Variants in AKAP13 observed in about 807,000 individuals in gnomAD.
AKAP13 encodes A-kinase anchor protein 13.
A neutral mutation model predicts 264.5 loss-of-function variants in AKAP13; 80 were observed. The observed-to-expected ratio is 0.30, with a 90% CI of 0.25 to 0.36. AKAP13 has a LOEUF of 0.36. Among genes scored for constraint, AKAP13 ranks in the 10% least tolerant of loss-of-function variants. The pLI is 1.00. For missense variants in AKAP13, 3,712 were observed against 3,435.2 expected, an observed-to-expected ratio of 1.08 and a Z score of -2.01; for synonymous variants, 1,380 against 1,250.2, an observed-to-expected ratio of 1.10 and a Z score of -2.19.
intron 10 of AKAP13, among the ~76,000 whole-genome samples, chr15:85,648,519 A>AT (rs538245743): frequency 1.3e-4 from 19 of 150,720 alleles, no homozygotes; most frequent in Middle Eastern, 3.4e-3. Flanking sequence ...GATTTGGAAG[A>AT]TTTTTTTTTT....
intron 12 of AKAP13, 110 bp downstream of exon 12, chr15:85,658,700 C>T (rs2083208404): frequency 5.7e-6 from 5 of 874,710 alleles, no homozygotes; most frequent in Non-Finnish European, 8.5e-6. Flanking sequence ...TAAGTAATGT[C>T]CCATCTAATT....
chr15:85,489,277 A>G (rs991906363), intron 2 of AKAP13, among the ~76,000 whole-genome samples: 6 of 152,230 alleles, frequency 3.9e-5, no homozygotes, highest in African/African-American at 1.4e-4. Flanking sequence ...AACATAGTTA[A>G]TACACTAAGT....
intron 30 of AKAP13, among the ~76,000 whole-genome samples, chr15:85,734,548 C>G (rs1300103866): frequency 1.3e-5 from 2 of 152,144 alleles, no homozygotes; most frequent in African/African-American, 4.8e-5. Flanking sequence ...GAAAAGAACC[C>G]TAGTGGGCCA....
At chr15:85,539,202 G>GT (rs1054488275) in intron 4 of AKAP13, among the ~76,000 whole-genome samples, 3 of 151,512 alleles carry the variant, frequency 2.0e-5, no homozygotes, top group East Asian at 1.9e-4. Flanking sequence ...ACTGCTAGTG[G>GT]TTTTTTTTTC....
intron 17 of AKAP13, among the ~76,000 whole-genome samples, chr15:85,695,658 T>C (rs941549708): frequency 6.6e-6 from 1 of 152,228 alleles, no homozygotes; most frequent in African/African-American, 2.4e-5. Context: ...TCCTATTTTT[T>C]CAAAAGTAAC....
chr15:85,417,649 C>T (rs1057018073), intron 1 of AKAP13, among the ~76,000 whole-genome samples: 2 of 152,136 alleles, frequency 1.3e-5, no homozygotes, highest in African/African-American at 4.8e-5. Context: ...TTTCTTTTGC[C>T]GATTAAACAT....
chr15:85,621,317 G>A (rs1219023730), intron 8 of AKAP13: 1 of 152,218 alleles, frequency 6.6e-6, no homozygotes, highest in African/African-American at 2.4e-5. Context: ...TCAGGTGGTT[G>A]ACTTGCTGGG....
In AKAP13 at chr15:85,580,697, C is replaced by T; in HGVS notation, c.2629C>T (p.Pro877Ser). The change falls in exon 7 of 37, where the codon CCT becomes TCT. Residue 877 changes from proline to serine, a missense_variant. By Grantham distance (74) the Pro-to-Ser change is moderately conservative. Transcript: ENST00000394518. Reference sequence around the variant, plus strand: ...TGGTGGAGAGCATGAGGGTCCCGCCCCTCCAGCAATCCCAGAAGCTCTGAA... The same window carrying T: ...TGGTGGAGAGCATGAGGGTCCCGCCTCTCCAGCAATCCCAGAAGCTCTGAA... ...GLGGEHEGPA[P>S]PAIPEALNIK... is the part of the protein sequence containing the mutation. The T allele has an allele frequency of 6.2e-7, 1 of 1,614,172 alleles. No individual in the cohort carries two copies. Among genetic ancestry groups the T allele is most frequent in the Non-Finnish European group, 8.5e-7 (1 of 1,180,024 alleles).
chr15:85,510,616 C>G (rs2076385483), intron 2 of AKAP13, among the ~76,000 whole-genome samples: 1 of 152,134 alleles, frequency 6.6e-6, no homozygotes, highest in Non-Finnish European at 1.5e-5. Context: ...TTTGAAAATC[C>G]TTTAATTAAT....
chr15:85,473,057 T>A (rs1271164760), intron 1 of AKAP13, among the ~76,000 whole-genome samples: 1 of 152,226 alleles, frequency 6.6e-6, no homozygotes, highest in Admixed American at 6.5e-5. Context: ...ATAAAATCAC[T>A]GTTGTAACAG....
At chr15:85,400,843 CAT>C (rs36153433) in intron 1 of AKAP13, among the ~76,000 whole-genome samples, 213 of 142,136 alleles carry the variant, frequency 1.5e-3, no homozygotes, top group South Asian at 5.5e-3. Flanking sequence ...ATTTAGTAGC[CAT>C]ATATATATAT....
chr15:85,637,170 C>G (rs1412453279), intron 8 of AKAP13, among the ~76,000 whole-genome samples: 1 of 152,162 alleles, frequency 6.6e-6, no homozygotes, highest in African/African-American at 2.4e-5. Context: ...ATAAAATGAG[C>G]TGCATTGTAA....
intron 4 of AKAP13, among the ~76,000 whole-genome samples, chr15:85,538,717 C>T (rs1197278262): frequency 2.0e-5 from 3 of 151,448 alleles, no homozygotes; most frequent in Non-Finnish European, 2.9e-5. Context: ...TCTCGATCTC[C>T]TGACCTCGTG....
intron 5 of AKAP13, 166 bp downstream of exon 5, chr15:85,544,121 A>C (rs2077655708): frequency 3.7e-6 from 3 of 805,282 alleles, no homozygotes; most frequent in Non-Finnish European, 6.3e-6. Context: ...CCTGCTAACC[A>C]CTTCATTGTC....
intron 14 of AKAP13, chr15:85,676,945 C>T (rs1277910908): frequency 3.5e-5 from 34 of 985,372 alleles, no homozygotes; most frequent in Non-Finnish European, 4.1e-5. Context: ...TCCGAGCATG[C>T]TCTAATGTCT....
chr15:85,572,021 G>C (rs1460063983), intron 5 of AKAP13, among the ~76,000 whole-genome samples: 1 of 152,168 alleles, frequency 6.6e-6, no homozygotes, highest in Non-Finnish European at 1.5e-5. Flanking sequence ...AGGTAAGTAG[G>C]CTGTGGTTAG....
chr15:85,612,828 A>T (rs1400880340), intron 8 of AKAP13, among the ~76,000 whole-genome samples: 1 of 122,452 alleles, frequency 8.2e-6, no homozygotes, highest in Non-Finnish European at 1.7e-5. Context: ...TGTCTCACAA[A>T]AAAAAAAGAA....
chr15:85,440,097 G>C (rs76231370), intron 1 of AKAP13, among the ~76,000 whole-genome samples: 478 of 152,246 alleles, frequency 3.1e-3, no homozygotes, highest in African/African-American at 0.011. Context: ...GCAGTGTTCT[G>C]TGCCCACCCT....
intron 1 of AKAP13, among the ~76,000 whole-genome samples, chr15:85,431,739 T>C (rs1358186786): frequency 1.3e-5 from 2 of 152,182 alleles, no homozygotes; most frequent in Non-Finnish European, 2.9e-5. Context: ...TTTTAAAACA[T>C]TTTAAAGTGG....
Sources: allele counts gnomAD v4.1 joint callset (sites outside exome capture counted in the v4.1 genomes callset), GRCh38; gene constraint gnomAD v4.1.1; transcripts MANE v1.5; gene names NCBI Gene and HGNC (gene_info 2026-07-23, HGNC 2026-07-21).